Variants in UGT2B17 observed in about 807,000 individuals in gnomAD.
UGT2B17 encodes UDP glucuronosyltransferase family 2 member B17, also known as UDP-glucuronosyltransferase 2B17.
A neutral mutation model predicts 48.2 loss-of-function variants in UGT2B17; 21 were observed. That is an observed-to-expected ratio of 0.44 (90% CI 0.31 to 0.63). The LOEUF is 0.63. Among genes scored for constraint, UGT2B17 ranks in the 20% least tolerant of loss-of-function variants. UGT2B17 has a pLI of 0.08. For synonymous variants in UGT2B17, 146 were observed against 238.4 expected (o/e 0.61, Z 3.57); for missense variants, 402 against 696.1 (o/e 0.58, Z 4.75).
intron 6 of UGT2B17, among the ~76,000 whole-genome samples, chr4:68,539,581 T>A (rs1419261335): frequency 8.1e-6 from 1 of 124,124 alleles, no homozygotes; most frequent in Non-Finnish European, 1.7e-5. Context: ...TTAGAATTTT[T>A]TGACTGAATT....
chr4:68,549,625 G>T (rs1730880474), intron 6 of UGT2B17, among the ~76,000 whole-genome samples: 1 of 125,326 alleles, frequency 8.0e-6, no homozygotes, highest in Admixed American at 8.2e-5. Flanking sequence ...CACTAGAAAG[G>T]CTGTAATAGA....
chr4:68,569,111 T>A (rs1731259252), intron 1 of UGT2B17, among the ~76,000 whole-genome samples: 1 of 125,602 alleles, frequency 8.0e-6, no homozygotes, highest in African/African-American at 2.7e-5. Flanking sequence ...TCATGGCAGA[T>A]GGGATGCAGG....
chr4:68,538,631 C>T (rs1730599710), intron 6 of UGT2B17, among the ~76,000 whole-genome samples: 1 of 125,996 alleles, frequency 7.9e-6, no homozygotes, highest in Admixed American at 8.2e-5. Context: ...TGTCTTCTAC[C>T]GTATTTTCCT....
chr4:68,559,691 G>T (rs1731067462), intron 4 of UGT2B17, among the ~76,000 whole-genome samples: 1 of 125,850 alleles, frequency 7.9e-6, no homozygotes, highest in Non-Finnish European at 1.7e-5. Flanking sequence ...CACAAAGATT[G>T]TAGGTATATT....
intron 2 of UGT2B17, among the ~76,000 whole-genome samples, chr4:68,566,072 A>G (rs1029981863): frequency 8.4e-6 from 1 of 118,736 alleles, no homozygotes; most frequent in African/African-American, 2.8e-5. Context: ...TATTTTATTA[A>G]TAAAACATTA....
chr4:68,549,346 TAA>T (rs397766650), intron 6 of UGT2B17, among the ~76,000 whole-genome samples: 4 of 99,726 alleles, frequency 4.0e-5, no homozygotes, highest in Non-Finnish European at 4.0e-5. Context: ...CTCCAAAAAG[TAA>T]AAAAAAAAAA....
intron 6 of UGT2B17, among the ~76,000 whole-genome samples, chr4:68,545,204 C>G (rs1185557329): frequency 7.9e-6 from 1 of 126,180 alleles, no homozygotes. Flanking sequence ...TGTAAAAGAA[C>G]AGAAATTATA....
rs1731239614 is a variant in UGT2B17 at position 68,568,207 on chromosome 4, A to C, written c.278T>G (p.Met93Arg). 7.3e-7 allele frequency: 1 copy of C among 1,372,880 alleles called. No homozygotes were observed. The highest frequency in any genetic ancestry group is 1.5e-5 in the African/African-American group (1 of 67,344). 85.0% of individuals were successfully genotyped at this position (1,372,880 alleles called of 1,614,324 possible). A position where few individuals can be genotyped will look rare whatever the true frequency, so the allele number is the denominator to read the frequency against. The change falls in exon 2 of 7, where the codon ATG (methionine) becomes AGG (arginine). Residue 93 changes from methionine to arginine, a missense_variant. This residue lies in a region of UGT2B17 where 84 missense variants were observed against 92.6 expected (regional missense o/e 0.91). Coordinates refer to ENST00000317746, the MANE Select transcript of UGT2B17 (RefSeq NM_001077.4). Reference protein sequence around the residue: ...KNDLEDFFMKMFDRWTYSISK... With the variant: ...KNDLEDFFMKRFDRWTYSISK... Reference sequence around the variant, plus strand: ...AATACTATATGTCCATCTATCGAACATTTTCATAAAAAAATCTTCCAAATC... The same window carrying C: ...AATACTATATGTCCATCTATCGAACCTTTTCATAAAAAAATCTTCCAAATC...
At position 68,566,152 on chromosome 4, in the gene UGT2B17, A is replaced by G. The variant is rs182661272; in HGVS notation, c.725-432T>C. On this transcript the variant is annotated intron_variant, in intron 2 of 6. Transcript: ENST00000317746. ...TTTAATATTTAATAGTTTTAATTTA[A>G]TATTTAAATTATTTAATAAAATAAT... Among the ~76,000 whole-genome samples, 2 of 118,856 alleles carry G rather than the reference A, an allele frequency of 1.7e-5. 1 individual carries two copies. The highest frequency in any genetic ancestry group is 1.6e-3 in the East Asian group (2 of 1,266). The allele number at this position is 118,856 out of a possible 152,430, so 78.0% of individuals were successfully genotyped here. A position where few individuals can be genotyped will look rare whatever the true frequency, so the allele number is the denominator to read the frequency against.
In UGT2B17 at chr4:68,559,887, A is replaced by C. The variant is rs1731071028; in HGVS notation, c.1005+650T>G. Among the ~76,000 whole-genome samples the C allele has an allele frequency of 1.6e-5, 2 of 125,058 alleles. 1 individual carries two copies. The highest frequency in any genetic ancestry group is 3.4e-5 in the Non-Finnish European group (2 of 59,326). The allele number at this position is 125,058 out of a possible 152,430, so 82.0% of individuals were successfully genotyped here. On this transcript the variant is annotated intron_variant, in intron 4 of 6. Coordinates refer to ENST00000317746, the MANE Select transcript of UGT2B17 (RefSeq NM_001077.4). The stretch of plus-strand genomic sequence containing the variant: ...TTTCCATTACATTTTTCTGCTTAAG[A>C]CATTAGCGGCACCCAAGCCAGCAGA...
Position 68,568,378 on chromosome 4 carries a change from C to G in UGT2B17, c.107G>C (p.Trp36Ser), listed in dbSNP as rs761229049. Residue 36 changes from tryptophan to serine, a missense_variant, in exon 2 of 7, where the codon TGG (tryptophan) becomes TCG (serine). Trp to Ser is a radical substitution (Grantham distance 177). Transcript: ENST00000317746. ...VLVWPTEYSH[W>S]INMKTILEEL... is the part of the protein sequence containing the mutation. ...TTCCAGGATTGTCTTCATATTTATC[C>G]AATGGCTGTATTCTGTGGGCCACAC... The G allele has an allele frequency of 2.9e-6, 4 of 1,380,558 alleles. No individual in the cohort carries two copies. Among genetic ancestry groups the G allele is most frequent in the Non-Finnish European group, 2.8e-6 (3 of 1,055,348 alleles). The allele number at this position is 1,380,558 out of a possible 1,614,324, so 85.5% of individuals were successfully genotyped here. A position where few individuals can be genotyped will look rare whatever the true frequency, so the allele number is the denominator to read the frequency against.
rs1329899011 is a variant in UGT2B17 at position 68,554,280 on chromosome 4, A to C, written c.1006-2369T>G. Among the ~76,000 whole-genome samples the C allele has an allele frequency of 4.0e-5, 5 of 125,210 alleles. 1 individual carries two copies. The highest frequency in any genetic ancestry group is 1.4e-4 in the African/African-American group (5 of 36,754). The allele number at this position is 125,210 out of a possible 152,430, so 82.1% of individuals were successfully genotyped here. A position where few individuals can be genotyped will look rare whatever the true frequency, so the allele number is the denominator to read the frequency against. On this transcript the variant is annotated intron_variant, in intron 4 of 6. Coordinates refer to ENST00000317746, the MANE Select transcript of UGT2B17 (RefSeq NM_001077.4). ...AATAATCTAAGAATGATGAGAAAAG[A>C]AGAAGAATGATCCCCTGATATCGCC...
rs1731361662 is a variant in UGT2B17 at position 68,575,616 on chromosome 4, A to G, written c.-65+335T>C. Among the ~76,000 whole-genome samples the G allele has an allele frequency of 1.6e-5, 2 of 126,214 alleles. 1 individual carries two copies. Among genetic ancestry groups the G allele is most frequent in the African/African-American group, 5.4e-5 (2 of 36,786 alleles). The allele number at this position is 126,214 out of a possible 152,430, so 82.8% of individuals were successfully genotyped here. On this transcript the variant is annotated intron_variant, in intron 1 of 6. Coordinates refer to ENST00000317746, the MANE Select transcript of UGT2B17 (RefSeq NM_001077.4). ...CACCACAAAACAAAGAACGGGTAAA[A>G]GGGCACACACAAACATTTCAGTTTA...
At chr4:68,547,006 G>A (rs1730825185) in intron 6 of UGT2B17, among the ~76,000 whole-genome samples, 1 of 124,318 alleles carries the variant, frequency 8.0e-6, no homozygotes, top group Admixed American at 8.3e-5. Context: ...ACTGCCCAAG[G>A]TAATTTATAG....
At chr4:68,537,947 A>G (rs1386649534) in intron 6 of UGT2B17, 43 bp from the exon 7 acceptor site, 2 of 1,256,400 alleles carry the variant, frequency 1.6e-6, no homozygotes, top group Non-Finnish European at 1.0e-6. Context: ...AAGTAAATTT[A>G]TTGCTTAAGC....
At chr4:68,540,731 T>C (rs748030300) in intron 6 of UGT2B17, among the ~76,000 whole-genome samples, 1 of 126,160 alleles carries the variant, frequency 7.9e-6, no homozygotes, top group African/African-American at 2.7e-5. Context: ...TTGCAGCACC[T>C]ATCAATCTGT....
rs190348199 is a variant in UGT2B17 at position 68,562,812 on chromosome 4, A to T, written c.874-2144T>A. 1.6e-4 allele frequency among the ~76,000 whole-genome samples: 20 copies of T among 125,912 alleles called. 6 individuals are homozygous for T. The highest frequency in any genetic ancestry group is 1.1e-3 in the Admixed American group (13 of 12,286). 82.6% of individuals were successfully genotyped at this position (125,912 alleles called of 152,430 possible). A position where few individuals can be genotyped will look rare whatever the true frequency, so the allele number is the denominator to read the frequency against. On this transcript the variant is annotated intron_variant, in intron 3 of 6. Transcript: ENST00000317746. The stretch of plus-strand genomic sequence containing the variant: ...TACATATGTGATGTTTATTTAGAAA[A>T]TTTTTTCTCATTGTATATGCCTTTT...
Position 68,568,011 on chromosome 4 carries a change from AC to A in UGT2B17, c.473del (p.Gly158ValfsTer45), listed in dbSNP as rs1307134404. 2.2e-6 allele frequency: 3 copies of A among 1,382,440 alleles called. 1 individual carries two copies. The Admixed American group carries it at 5.9e-5, about 27-fold the overall frequency. 85.6% of individuals were successfully genotyped at this position (1,382,440 alleles called of 1,614,324 possible). ...VLLADAVNPC[G>X]ELLAELLNIP... ...TGTTAAGTAGCTCAGCCAGCAGCTC[AC>A]CACAGGGATTAACGGCATCTGCCAG... is the stretch of plus-strand genomic sequence containing the variant. On this transcript the variant is annotated frameshift_variant, in exon 2 of 7. Coordinates refer to ENST00000317746, the MANE Select transcript of UGT2B17 (RefSeq NM_001077.4). LOFTEE classifies it high-confidence loss of function.
rs1437336386 is a variant in UGT2B17 at position 68,552,886 on chromosome 4, A to G, written c.1006-975T>C. Among the ~76,000 whole-genome samples, 14 of 123,996 alleles carry G rather than the reference A, an allele frequency of 1.1e-4. 3 individuals carry two copies. Among genetic ancestry groups the G allele is most frequent in the Non-Finnish European group, 2.2e-4 (13 of 58,932 alleles). 81.3% of individuals were successfully genotyped at this position (123,996 alleles called of 152,430 possible). On this transcript the variant is annotated intron_variant, in intron 4 of 6. Transcript: ENST00000317746. ...TTACTTGCTTCCTACAAGAAAGGCA[A>G]TATTTCCTGTTTCCATGACAATGGA...
Sources: gnomAD v4.1 joint callset for allele counts (sites outside exome capture counted in the v4.1 genomes callset) on GRCh38, gnomAD v4.1.1 for gene constraint, gnomAD v4.1.1 regional missense constraint, MANE v1.5 for transcripts, NCBI Gene and HGNC (gene_info 2026-07-23, HGNC 2026-07-21) for gene names.